Variants in BCL11A observed in about 807,000 individuals in gnomAD.
BCL11A encodes B cell CLL/lymphoma 11A.
BCL11A carries 2 observed loss-of-function variants against 55.9 expected under a neutral mutation model. The observed-to-expected ratio is 0.04, with a 90% CI of 0.01 to 0.11. The LOEUF (loss-of-function observed/expected upper bound fraction) is 0.11, where lower values mean the gene tolerates loss of function less well. BCL11A is among the 10% of genes least tolerant of loss of function. BCL11A has a pLI of 1.00. For synonymous variants in BCL11A, 465 were observed against 473.4 expected (o/e 0.98, Z 0.23); for missense variants, 817 against 1,137.1 (o/e 0.72, Z 4.05).
In BCL11A at chr2:60,460,021, C is replaced by A; in HGVS notation, c.*383G>T. On this transcript the variant is annotated 3_prime_UTR_variant, in exon 4 of 4. Transcript: ENST00000642384. ...ACGAATTAGGGACAATTTAAAATAG[C>A]CATAACATACCATACATGCTGTCTA... The A allele has an allele frequency of 9.3e-7, 1 of 1,075,302 alleles. No individual in the cohort carries two copies. The highest frequency in any genetic ancestry group is 1.1e-6 in the Non-Finnish European group (1 of 886,388). 66.6% of individuals were successfully genotyped at this position (1,075,302 alleles called of 1,614,324 possible).
At chr2:60,500,354 C>T (rs569861150) in intron 2 of BCL11A, among the ~76,000 whole-genome samples, 2 of 152,198 alleles carry the variant, frequency 1.3e-5, no homozygotes, top group Non-Finnish European at 2.9e-5. Flanking sequence ...TATGCACTGC[C>T]TCTGCTTCCC....
chr2:60,550,889 A>G (rs1009444448), intron 1 of BCL11A: 1 of 307,022 alleles, frequency 3.3e-6, no homozygotes, highest in African/African-American at 2.3e-5. Context: ...GTAACTTCAC[A>G]CCGCCGCGCG....
chr2:60,525,085 G>A (rs1669148694), intron 2 of BCL11A: 1 of 152,116 alleles, frequency 6.6e-6, no homozygotes, highest in Admixed American at 6.5e-5. Context: ...CTAACTCCAG[G>A]GACTCAGCAT....
chr2:60,474,071 C>T (rs1347418722), intron 2 of BCL11A, among the ~76,000 whole-genome samples: 1 of 152,200 alleles, frequency 6.6e-6, no homozygotes, highest in Non-Finnish European at 1.5e-5. Context: ...ATCAATCACT[C>T]ATTTTAAAAC....
Position 60,457,616 on chromosome 2 carries a change from CT to C in BCL11A, c.*2787del, listed in dbSNP as rs1163717326. On this transcript the variant is annotated 3_prime_UTR_variant, in exon 4 of 4. Coordinates refer to ENST00000642384, the MANE Select transcript of BCL11A (RefSeq NM_022893.4). The stretch of plus-strand genomic sequence containing the variant: ...CTTTGCATATGAAATTCTTTCCAAT[CT>C]AAATATAAAGCACCATTTAGTTTTT... 9.6e-7 allele frequency: 1 copy of C among 1,039,104 alleles called. No homozygotes were observed. Among genetic ancestry groups the C allele is most frequent in the African/African-American group, 1.7e-5 (1 of 59,114 alleles). The allele number at this position is 1,039,104 out of a possible 1,614,324, so 64.4% of individuals were successfully genotyped here. A position where few individuals can be genotyped will look rare whatever the true frequency, so the allele number is the denominator to read the frequency against.
intron 2 of BCL11A, among the ~76,000 whole-genome samples, chr2:60,488,948 C>T (rs758053413): frequency 2.6e-5 from 4 of 152,052 alleles, no homozygotes; most frequent in Admixed American, 6.6e-5. Context: ...TTGGTAGAGA[C>T]GGGGTTTCTC....
chr2:60,518,147 A>G (rs940365204), intron 2 of BCL11A, among the ~76,000 whole-genome samples: 1 of 152,224 alleles, frequency 6.6e-6, no homozygotes, highest in African/African-American at 2.4e-5. Flanking sequence ...TAATAAATAA[A>G]ATAAAATAAT....
Position 60,457,670 on chromosome 2 carries a change from GTTT to G in BCL11A, c.*2731_*2733del, listed in dbSNP as rs36105824. The G allele has an allele frequency of 1.3e-5, 12 of 930,010 alleles. No homozygotes were observed. The highest frequency in any genetic ancestry group is 5.2e-5 in the South Asian group (1 of 19,246). 57.6% of individuals were successfully genotyped at this position (930,010 alleles called of 1,614,324 possible). A position where few individuals can be genotyped will look rare whatever the true frequency, so the allele number is the denominator to read the frequency against. On this transcript the variant is annotated 3_prime_UTR_variant, in exon 4 of 4. Transcript: ENST00000642384. Reference sequence around the variant, plus strand: ...CAATGAAAAAAACTGCAAAACATTGGTTTTTTTTTTTTTTTCCTTTTTTTTTCT... The same window carrying G: ...CAATGAAAAAAACTGCAAAACATTGGTTTTTTTTTTTTCCTTTTTTTTTCT...
intron 1 of BCL11A, chr2:60,549,798 C>A (rs1258072966): frequency 6.6e-6 from 1 of 152,284 alleles, no homozygotes; most frequent in African/African-American, 2.4e-5. Flanking sequence ...AGTATCTCCG[C>A]ACACACCTCA....
At chr2:60,502,599 T>TG (rs1679353268) in intron 2 of BCL11A, among the ~76,000 whole-genome samples, 1 of 152,228 alleles carries the variant, frequency 6.6e-6, no homozygotes, top group Non-Finnish European at 1.5e-5. Flanking sequence ...CCCAATCCCA[T>TG]GCTTTCTAAT....
At chr2:60,519,687 G>T (rs940010696) in intron 2 of BCL11A, among the ~76,000 whole-genome samples, 7 of 152,186 alleles carry the variant, frequency 4.6e-5, no homozygotes, top group African/African-American at 1.7e-4. Context: ...GAATCTTGTA[G>T]ATTTCTGAGG....
chr2:60,451,561 T>G (rs1235090242), exon 5 of BCL11A: 2 of 231,664 alleles, frequency 8.6e-6, no homozygotes, highest in East Asian at 6.1e-5. Context: ...CTCCTATAAT[T>G]TCCCCCCTCT....
chr2:60,552,276 T>G (rs970122546), intron 1 of BCL11A, among the ~76,000 whole-genome samples: 2 of 152,070 alleles, frequency 1.3e-5, no homozygotes, highest in Non-Finnish European at 2.9e-5. Flanking sequence ...TTTATTTATT[T>G]ATGTGCCAGT....
intron 2 of BCL11A, among the ~76,000 whole-genome samples, chr2:60,530,271 C>T (rs1363637970): frequency 6.7e-6 from 1 of 150,154 alleles, no homozygotes; most frequent in African/African-American, 2.5e-5. Context: ...TGCATATTAT[C>T]GTTCTCAGCC....
intron 2 of BCL11A, among the ~76,000 whole-genome samples, chr2:60,495,345 C>CCA (rs1179456384): frequency 6.6e-6 from 1 of 152,204 alleles, no homozygotes; most frequent in Non-Finnish European, 1.5e-5. Context: ...AGAGTAGATG[C>CCA]CATATCTCTT....
intron 2 of BCL11A, among the ~76,000 whole-genome samples, chr2:60,473,285 T>C (rs979842041): frequency 6.6e-6 from 1 of 151,576 alleles, no homozygotes; most frequent in Non-Finnish European, 1.5e-5. Flanking sequence ...GCAGTAGAGC[T>C]GTCCCACGTG....
chr2:60,513,642 C>T (rs751339532), intron 2 of BCL11A, among the ~76,000 whole-genome samples: 18 of 152,320 alleles, frequency 1.2e-4, no homozygotes, highest in Admixed American at 2.0e-4. Context: ...CCCACTCACA[C>T]GCTAAAGTAA....
intron 3 of BCL11A, among the ~76,000 whole-genome samples, chr2:60,463,790 T>C (rs200108098): frequency 6.6e-6 from 1 of 150,922 alleles, no homozygotes; most frequent in East Asian, 1.9e-4. Flanking sequence ...AAACAAAACT[T>C]CCCAGAGATT....
intron 2 of BCL11A, among the ~76,000 whole-genome samples, chr2:60,498,426 G>T (rs1453545432): frequency 3.9e-5 from 6 of 152,034 alleles, no homozygotes; most frequent in Non-Finnish European, 5.9e-5. Flanking sequence ...GGACAGAGGG[G>T]TCCCACAAGA....
Sources: allele counts gnomAD v4.1 joint callset (sites outside exome capture counted in the v4.1 genomes callset), GRCh38; gene constraint gnomAD v4.1.1; transcripts MANE v1.5; gene names NCBI Gene and HGNC (gene_info 2026-07-23, HGNC 2026-07-21).